COL4A3: variants seen among roughly 807,000 people sequenced by gnomAD.
COL4A3 encodes collagen type IV alpha 3 chain, also known as collagen alpha-3(IV) chain.
In COL4A3, 135 loss-of-function variants were observed where a neutral mutation model predicts 217.4. The ratio of observed to expected loss-of-function variants is 0.62; its 90% confidence interval spans 0.54 to 0.72. The LOEUF is 0.72. COL4A3 is among the 30% of genes least tolerant of loss of function. COL4A3 has a pLI of 0.00. For missense variants in COL4A3, 1,868 were observed against 2,119.9 expected, an observed-to-expected ratio of 0.88 and a Z score of 2.33; for synonymous variants, 690 against 736.3, an observed-to-expected ratio of 0.94 and a Z score of 1.02.
At chr2:227,270,745 C>T (rs763198542) in intron 24 of COL4A3, 25 bp from the exon 25 acceptor site, 4 of 1,606,320 alleles carry the variant, frequency 2.5e-6, no homozygotes, top group African/African-American at 2.7e-5. Context: ...AAATACAATA[C>T]AGATTCATTT....
At position 227,250,185 on chromosome 2, in the gene COL4A3, C is replaced by A. The variant is rs552733608; in HGVS notation, c.547-955C>A. ...AAAATTAGCCAGGTGTGGTGGCGTG[C>A]GCCTGTAGTTCCAGCTACTTGGGAG... On this transcript the variant is annotated intron_variant, in intron 9 of 51. Coordinates refer to ENST00000396578, the MANE Select transcript of COL4A3 (RefSeq NM_000091.5). This position sits in a 1 kb window ranked among gnomAD's most constrained non-coding sequence, Gnocchi z 4.1. Among the ~76,000 whole-genome samples, 43 of 151,946 alleles carry A rather than the reference C, an allele frequency of 2.8e-4. No homozygotes were observed. Among genetic ancestry groups the A allele is most frequent in the African/African-American group, 9.7e-4 (40 of 41,362 alleles).
intron 37 of COL4A3, among the ~76,000 whole-genome samples, chr2:227,291,443 G>T (rs2072704167): frequency 6.7e-6 from 1 of 150,268 alleles, no homozygotes; most frequent in Admixed American, 6.6e-5. Flanking sequence ...GGCGCCTGTA[G>T]TCCCAGCTAC....
At chr2:227,167,980 G>T (rs553843889) in intron 1 of COL4A3, among the ~76,000 whole-genome samples, 2 of 152,198 alleles carry the variant, frequency 1.3e-5, no homozygotes, top group African/African-American at 4.8e-5. Flanking sequence ...CACATTACAC[G>T]TATCTATTGG....
intron 25 of COL4A3, among the ~76,000 whole-genome samples, chr2:227,271,660 C>T (rs548604879): frequency 3.8e-4 from 57 of 151,970 alleles, no homozygotes; most frequent in African/African-American, 1.2e-3. Flanking sequence ...TCAGTAGAGA[C>T]GGGGTTTCAC....
chr2:227,190,971 G>A (rs1348055187), intron 1 of COL4A3, among the ~76,000 whole-genome samples: 1 of 152,056 alleles, frequency 6.6e-6, no homozygotes, highest in Non-Finnish European at 1.5e-5. Flanking sequence ...ACTACTTAAG[G>A]ACAATATCAT....
At chr2:227,186,288 CA>C (rs752955685) in intron 1 of COL4A3, among the ~76,000 whole-genome samples, 15 of 152,170 alleles carry the variant, frequency 9.9e-5, no homozygotes, top group Non-Finnish European at 1.9e-4. Flanking sequence ...AAATAAAAAT[CA>C]AACAGCTGTT....
chr2:227,184,787 T>C (rs1344031279), intron 1 of COL4A3, among the ~76,000 whole-genome samples: 2 of 149,482 alleles, frequency 1.3e-5, no homozygotes, highest in Admixed American at 6.7e-5. Context: ...ATTTTAAATA[T>C]ATAGAAAGAC....
At chr2:227,167,621 C>T (rs1026013992) in intron 1 of COL4A3, among the ~76,000 whole-genome samples, 1 of 152,188 alleles carries the variant, frequency 6.6e-6, no homozygotes, top group Non-Finnish European at 1.5e-5. Context: ...AATGTCAAAA[C>T]GTGAAAAACA....
At chr2:227,299,915 C>G (rs1435574139) in intron 43 of COL4A3, among the ~76,000 whole-genome samples, 1 of 152,212 alleles carries the variant, frequency 6.6e-6, no homozygotes, top group East Asian at 1.9e-4. Flanking sequence ...TCACTTTTCC[C>G]TCTACTTACA....
In COL4A3 at chr2:227,171,799, C is replaced by T. The variant is rs968738717; in HGVS notation, c.87+6986C>T. 7.2e-5 allele frequency among the ~76,000 whole-genome samples: 11 copies of T among 152,254 alleles called. 1 individual carries two copies. The highest frequency in any genetic ancestry group is 2.6e-4 in the Admixed American group (4 of 15,294). ...GCAGGAGTGAAATTTTATGAGAAAG[C>T]TTTAGAGCAGGAATGAAAGGAAGGA... On this transcript the variant is annotated intron_variant, in intron 1 of 51. Coordinates refer to ENST00000396578, the MANE Select transcript of COL4A3 (RefSeq NM_000091.5).
chr2:227,226,830 T>C (rs1425988214), intron 1 of COL4A3, among the ~76,000 whole-genome samples: 1 of 152,218 alleles, frequency 6.6e-6, no homozygotes, highest in Non-Finnish European at 1.5e-5. Flanking sequence ...TGAAGATAAT[T>C]TGTACCAGGA....
intron 1 of COL4A3, among the ~76,000 whole-genome samples, chr2:227,212,393 G>T (rs1056909987): frequency 6.6e-6 from 1 of 152,090 alleles, no homozygotes; most frequent in African/African-American, 2.4e-5. Flanking sequence ...CCCCCTAAAG[G>T]TTTTAAAATT....
intron 1 of COL4A3, among the ~76,000 whole-genome samples, chr2:227,204,921 A>G (rs2067042410): frequency 6.6e-6 from 1 of 152,224 alleles, no homozygotes; most frequent in Non-Finnish European, 1.5e-5. Context: ...GCGTGGGCAC[A>G]TACATAATAC....
chr2:227,264,211 T>A (rs554804431), intron 21 of COL4A3, among the ~76,000 whole-genome samples: 118 of 152,220 alleles, frequency 7.8e-4, no homozygotes, highest in Middle Eastern at 3.4e-3. Flanking sequence ...GAAGGATGGG[T>A]GGCTATCAAG....
rs1423193258 is a variant in COL4A3 at position 227,164,850 on chromosome 2, C to G, written c.87+37C>G. 6.8e-7 allele frequency: 1 copy of G among 1,476,690 alleles called. No individual in the cohort carries two copies. Among genetic ancestry groups the G allele is most frequent in the South Asian group, 1.3e-5 (1 of 76,464 alleles). 91.5% of individuals were successfully genotyped at this position (1,476,690 alleles called of 1,614,324 possible). On this transcript the variant is annotated intron_variant, in intron 1 of 51. Coordinates refer to ENST00000396578, the MANE Select transcript of COL4A3 (RefSeq NM_000091.5). This position sits in a 1 kb window ranked among gnomAD's most constrained non-coding sequence, Gnocchi z 4.8. ...CTGCGCGACCCCCACCCCCGCACTTCCATCCCTCCTCCACGCGTCCGGGGG... is the reference window on the plus strand; with the variant it reads ...CTGCGCGACCCCCACCCCCGCACTTGCATCCCTCCTCCACGCGTCCGGGGG...
rs191660688 is a variant in COL4A3 at position 227,185,993 on chromosome 2, G to A, written c.87+21180G>A. 1.2e-3 allele frequency among the ~76,000 whole-genome samples: 186 copies of A among 152,326 alleles called. 1 individual carries two copies. Among genetic ancestry groups the A allele is most frequent in the African/African-American group, 4.3e-3 (179 of 41,572 alleles). On this transcript the variant is annotated intron_variant, in intron 1 of 51. Transcript: ENST00000396578. ...GGAATTCTAGACCTGTGGGCTACTG[G>A]AAGTGTCCAGATAATGAAGGAGTCA...
At chr2:227,292,189 C>A (rs2072784380) in intron 37 of COL4A3, among the ~76,000 whole-genome samples, 1 of 151,918 alleles carries the variant, frequency 6.6e-6, no homozygotes, top group Non-Finnish European at 1.5e-5. Context: ...AATAAAATAC[C>A]ACCTTTCCTA....
intron 1 of COL4A3, among the ~76,000 whole-genome samples, chr2:227,192,306 C>G (rs559910235): frequency 3.3e-5 from 5 of 152,270 alleles, no homozygotes; most frequent in African/African-American, 1.2e-4. Flanking sequence ...TCTCCCCTAC[C>G]ATTTTATTAA....
chr2:227,248,580 TC>T, intron 9 of COL4A3, 60 bp downstream of exon 9: 6 of 1,113,094 alleles, frequency 5.4e-6, no homozygotes, highest in Non-Finnish European at 5.5e-6. Context: ...CTCTCTCTTT[TC>T]GCCTCTCTTT....
Sources: allele counts gnomAD v4.1 joint callset (sites outside exome capture counted in the v4.1 genomes callset), GRCh38; gene constraint gnomAD v4.1.1; non-coding constraint Gnocchi (gnomAD v3.1); transcripts MANE v1.5; gene names NCBI Gene and HGNC (gene_info 2026-07-23, HGNC 2026-07-21).